The following SULF1 variants were observed in gnomAD, a reference collection of about 807,000 sequenced individuals.
SULF1 encodes the protein extracellular sulfatase Sulf-1.
A neutral mutation model predicts 110.5 loss-of-function variants in SULF1; 46 were observed. That is an observed-to-expected ratio of 0.42 (90% confidence interval 0.33 to 0.53). The LOEUF is 0.53. Ranked by LOEUF, SULF1 falls within the 20% of genes least tolerant of loss-of-function variation. The pLI, the probability that SULF1 is intolerant of heterozygous loss-of-function variation, is 0.12. For synonymous variants in SULF1, 371 were observed against 387.1 expected, an observed-to-expected ratio of 0.96 and a Z score of 0.49; for missense variants, 941 against 1,094.2, an observed-to-expected ratio of 0.86 and a Z score of 1.98.
intron 3 of SULF1, among the ~76,000 whole-genome samples, chr8:69,541,003 T>C (rs1462851760): frequency 6.6e-6 from 1 of 152,102 alleles, no homozygotes; most frequent in Non-Finnish European, 1.5e-5. Context: ...TTATAGCCTT[T>C]CCTATATGGC....
intron 3 of SULF1, among the ~76,000 whole-genome samples, chr8:69,530,116 G>A (rs1812980686): frequency 6.6e-6 from 1 of 152,160 alleles, no homozygotes; most frequent in Admixed American, 6.5e-5. Context: ...TGGACAATCT[G>A]CCCTTGCATC....
intron 1 of SULF1, among the ~76,000 whole-genome samples, chr8:69,493,659 G>C (rs1195468263): frequency 6.6e-6 from 1 of 152,190 alleles, no homozygotes; most frequent in Admixed American, 6.5e-5. Flanking sequence ...TTCAGTGCAG[G>C]CTTGAAACTT....
At chr8:69,594,667 C>T (rs927923850) in intron 8 of SULF1, among the ~76,000 whole-genome samples, 2 of 151,894 alleles carry the variant, frequency 1.3e-5, no homozygotes, top group African/African-American at 2.4e-5. Flanking sequence ...TCCACAAATA[C>T]GTGAAAGGAC....
intron 1 of SULF1, chr8:69,473,212 G>A (rs1809161948): frequency 6.6e-6 from 1 of 151,992 alleles, no homozygotes; most frequent in Admixed American, 6.6e-5. Context: ...TTCTTTTGCT[G>A]TTTTATTTTT....
At chr8:69,651,051 C>CTTTTTTTTTTT (rs111556401) in intron 22 of SULF1, among the ~76,000 whole-genome samples, 6 of 134,160 alleles carry the variant, frequency 4.5e-5, no homozygotes, top group Non-Finnish European at 8.2e-5. Flanking sequence ...TCTTTTTTTT[C>CTTTTTTTTTTT]TTTTCTTTTT....
chr8:69,590,171 C>G (rs527255665), intron 8 of SULF1, among the ~76,000 whole-genome samples: 2 of 151,930 alleles, frequency 1.3e-5, no homozygotes, highest in Middle Eastern at 3.4e-3. Context: ...AAAATGTTCT[C>G]TTTTTTTTGA....
intron 3 of SULF1, among the ~76,000 whole-genome samples, chr8:69,552,215 G>A (rs1458562093): frequency 1.3e-5 from 2 of 152,150 alleles, no homozygotes; most frequent in Admixed American, 6.5e-5. Context: ...TTGAGCCTAG[G>A]GCCTTTATTT....
chr8:69,480,197 C>T (rs148042795), intron 1 of SULF1, among the ~76,000 whole-genome samples: 3 of 152,230 alleles, frequency 2.0e-5, no homozygotes, highest in Non-Finnish European at 2.9e-5. Flanking sequence ...TTAACCATTA[C>T]GACTTCAAAA....
At chr8:69,485,091 G>A (rs948774057) in intron 1 of SULF1, among the ~76,000 whole-genome samples, 1 of 152,152 alleles carries the variant, frequency 6.6e-6, no homozygotes, top group Non-Finnish European at 1.5e-5. Flanking sequence ...GGGAGCTCAG[G>A]AAAAGTGTCA....
chr8:69,655,658 C>T (rs1563638123), intron 22 of SULF1, among the ~76,000 whole-genome samples: 1 of 152,184 alleles, frequency 6.6e-6, no homozygotes, highest in Non-Finnish European at 1.5e-5. Context: ...TCACCCGCCT[C>T]ATCCTCCCCA....
Position 69,620,910 on chromosome 8 carries a change from A to C in SULF1, c.1378-125A>C, listed in dbSNP as rs184031484. ...CTTAAAAGCTTGCCTTTCTTCATTC[A>C]CTCTCCTTAATGATATTGCCAGTGC... On this transcript the variant is annotated intron_variant, in intron 13 of 22. Coordinates refer to ENST00000402687, the MANE Select transcript of SULF1 (RefSeq NM_001128205.2). The C allele has an allele frequency of 2.5e-5, 17 of 669,930 alleles. 1 individual carries two copies. In the Admixed American group the frequency reaches 5.2e-4, roughly 20 times the overall value. 41.5% of individuals were successfully genotyped at this position (669,930 alleles called of 1,614,324 possible). A position where few individuals can be genotyped will look rare whatever the true frequency, so the allele number is the denominator to read the frequency against.
At chr8:69,586,533 G>T (rs1225344748) in intron 7 of SULF1, 25 bp downstream of exon 7, 3 of 1,597,976 alleles carry the variant, frequency 1.9e-6, no homozygotes, top group Non-Finnish European at 2.5e-6. Context: ...CTTTTACACT[G>T]CATCAATTTA....
chr8:69,651,058 T>C (rs957716951), intron 22 of SULF1, among the ~76,000 whole-genome samples: 5 of 145,604 alleles, frequency 3.4e-5, no homozygotes, highest in Non-Finnish European at 4.5e-5. Context: ...TTTCTTTTCT[T>C]TTTTTTTTTT....
intron 22 of SULF1, among the ~76,000 whole-genome samples, chr8:69,653,479 T>G (rs959993716): frequency 3.3e-5 from 5 of 152,240 alleles, no homozygotes; most frequent in Admixed American, 1.3e-4. Context: ...TAGGCTAAGG[T>G]CCAGATGGGT....
At chr8:69,562,630 G>A (rs547448189) in intron 3 of SULF1, among the ~76,000 whole-genome samples, 142 of 152,128 alleles carry the variant, frequency 9.3e-4, no homozygotes, top group Non-Finnish European at 1.3e-3. Flanking sequence ...AGTGAGAGGG[G>A]CATTTTTCCA....
intron 3 of SULF1, among the ~76,000 whole-genome samples, chr8:69,519,974 G>A (rs1196217464): frequency 6.6e-6 from 1 of 152,114 alleles, no homozygotes; most frequent in Non-Finnish European, 1.5e-5. Context: ...ATCTGTACAA[G>A]AGGTTTCGTA....
At chr8:69,603,782 T>C (rs1808019208) in intron 12 of SULF1, 126 bp downstream of exon 12, 1 of 704,012 alleles carries the variant, frequency 1.4e-6, no homozygotes, top group African/African-American at 1.8e-5. Context: ...AGTCACAAGA[T>C]TGAATGGTTT....
At chr8:69,520,911 T>C (rs955188887) in intron 3 of SULF1, among the ~76,000 whole-genome samples, 2 of 152,184 alleles carry the variant, frequency 1.3e-5, no homozygotes, top group Non-Finnish European at 2.9e-5. Context: ...CTCAACCTAA[T>C]TCTGTCTTTC....
chr8:69,542,893 A>G (rs1813957443), intron 3 of SULF1, among the ~76,000 whole-genome samples: 1 of 152,146 alleles, frequency 6.6e-6, no homozygotes, highest in African/African-American at 2.4e-5. Flanking sequence ...AATTCAATCA[A>G]ATGTCATAGA....
Sources: gnomAD v4.1 joint callset for allele counts (sites outside exome capture counted in the v4.1 genomes callset) on GRCh38, gnomAD v4.1.1 for gene constraint, MANE v1.5 for transcripts, NCBI Gene and HGNC (gene_info 2026-07-23, HGNC 2026-07-21) for gene names.